VPS13B: variants seen among roughly 807,000 people sequenced by gnomAD.
VPS13B encodes the protein vacuolar protein sorting 13 homolog B, also known as intermembrane lipid transfer protein VPS13B.
Under a neutral mutation model 426.4 loss-of-function variants are expected in VPS13B, and 285 were observed. That is an observed-to-expected ratio of 0.67 (90% CI 0.61 to 0.74). The LOEUF is 0.74. Among genes scored for constraint, VPS13B ranks in the 30% least tolerant of loss-of-function variants. The pLI, the probability that VPS13B is intolerant of heterozygous loss-of-function variation, is 0.00. For synonymous variants in VPS13B, 1,676 were observed against 1,676.4 expected, an observed-to-expected ratio of 1.00 and a Z score of 0.01; for missense variants, 4,537 against 4,782.6, an observed-to-expected ratio of 0.95 and a Z score of 1.51.
chr8:99,162,859 T>G (rs1370471199), intron 15 of VPS13B, among the ~76,000 whole-genome samples: 1 of 152,174 alleles, frequency 6.6e-6, no homozygotes, highest in Non-Finnish European at 1.5e-5. Flanking sequence ...CTGCTTTTAT[T>G]CTTTTATCTG....
intron 17 of VPS13B, among the ~76,000 whole-genome samples, chr8:99,246,651 A>ACAT (rs1300741613): frequency 6.6e-6 from 1 of 152,064 alleles, no homozygotes; most frequent in Non-Finnish European, 1.5e-5. Flanking sequence ...GTGGATTATG[A>ACAT]GGTCAGGAGT....
At chr8:99,625,538 A>C (rs558398484) in intron 33 of VPS13B, among the ~76,000 whole-genome samples, 1 of 151,994 alleles carries the variant, frequency 6.6e-6, no homozygotes, top group East Asian at 1.9e-4. Context: ...CATAGTGAGA[A>C]CCTGTTTCCT....
chr8:99,663,217 C>T (rs577277090), intron 35 of VPS13B, among the ~76,000 whole-genome samples: 2 of 152,308 alleles, frequency 1.3e-5, no homozygotes, highest in South Asian at 2.1e-4. Context: ...ATCCATACTA[C>T]AGATGGAGAA....
chr8:99,156,421 G>A, intron 14 of VPS13B, 128 bp from the exon 15 acceptor site: 1 of 812,014 alleles, frequency 1.2e-6, no homozygotes. Context: ...GAGTTCTGTA[G>A]AAAGGCATCA....
intron 17 of VPS13B, among the ~76,000 whole-genome samples, chr8:99,268,986 A>G (rs1818442974): frequency 6.6e-6 from 1 of 152,032 alleles, no homozygotes; most frequent in African/African-American, 2.4e-5. Context: ...ATGGTGTTAT[A>G]AGGGGCTTTT....
chr8:99,384,421 A>T (rs1370994324), intron 20 of VPS13B, 104 bp downstream of exon 20: 1 of 976,758 alleles, frequency 1.0e-6, no homozygotes, highest in Non-Finnish European at 1.6e-6. Flanking sequence ...CAAATGTACT[A>T]GATTTCCTTT....
At position 99,241,692 on chromosome 8, in the gene VPS13B, C is replaced by A. The variant is rs1248915002; in HGVS notation, c.2516-32506C>A. ...TGGAAAAGCCAGTTATTCAAAAGAA[C>A]CTTTGAAAGAAGCAATTTTTTTTGT... On this transcript the variant is annotated intron_variant, in intron 17 of 61. Coordinates refer to ENST00000357162, the MANE Select transcript of VPS13B (RefSeq NM_152564.5). Among the ~76,000 whole-genome samples, 3 of 152,068 alleles carry A rather than the reference C, an allele frequency of 2.0e-5. No individual in the cohort carries two copies. In the East Asian group the frequency reaches 5.8e-4, roughly 29 times the overall value.
intron 33 of VPS13B, among the ~76,000 whole-genome samples, chr8:99,638,306 AT>A (rs1023450016): frequency 4.6e-5 from 7 of 152,020 alleles, no homozygotes; most frequent in Non-Finnish European, 5.9e-5. Context: ...ATAAAACTCA[AT>A]TTTCTCAGCT....
chr8:99,407,442 A>T (rs1003431108), intron 21 of VPS13B, among the ~76,000 whole-genome samples: 2 of 152,102 alleles, frequency 1.3e-5, no homozygotes, highest in African/African-American at 4.8e-5. Context: ...ACATTATGAT[A>T]CAATTTTTTG....
At chr8:99,652,385 G>T (rs1288780399) in intron 34 of VPS13B, among the ~76,000 whole-genome samples, 2 of 152,034 alleles carry the variant, frequency 1.3e-5, no homozygotes, top group African/African-American at 4.8e-5. Context: ...TAAGTGTATG[G>T]CACAAGGCTC....
chr8:99,551,337 G>A (rs1325763937), intron 30 of VPS13B, among the ~76,000 whole-genome samples: 1 of 151,906 alleles, frequency 6.6e-6, no homozygotes, highest in African/African-American at 2.4e-5. Context: ...TGTTTGCTTA[G>A]TATATATTTT....
intron 57 of VPS13B, among the ~76,000 whole-genome samples, chr8:99,861,096 G>A (rs1251233263): frequency 3.9e-5 from 6 of 152,132 alleles, no homozygotes; most frequent in South Asian, 2.1e-4. Flanking sequence ...TAAAATCACA[G>A]CAGGCAGATT....
chr8:99,577,644 C>A lies in VPS13B; in HGVS notation c.5220+11C>A. 6.2e-7 allele frequency: 1 copy of A among 1,613,082 alleles called. No individual in the cohort carries two copies. The highest frequency in any genetic ancestry group is 8.5e-7 in the Non-Finnish European group (1 of 1,179,642). Reference sequence around the variant, plus strand: ...AACAAGGCTGCAGAGGTAACTGTTACCTGATTTTGATCAGGCTTACTGCAT... The same window carrying A: ...AACAAGGCTGCAGAGGTAACTGTTAACTGATTTTGATCAGGCTTACTGCAT... On this transcript the variant is annotated intron_variant, in intron 33 of 61. Transcript: ENST00000357162.
intron 7 of VPS13B, among the ~76,000 whole-genome samples, chr8:99,118,862 G>A (rs2132508304): frequency 6.6e-6 from 1 of 152,160 alleles, no homozygotes; most frequent in East Asian, 1.9e-4. Context: ...AGATATTTTT[G>A]TACAAATTTC....
chr8:99,870,754 T>C (rs748852911), intron 59 of VPS13B, 31 bp from the exon 60 acceptor site: 15 of 1,598,262 alleles, frequency 9.4e-6, no homozygotes, highest in Non-Finnish European at 1.3e-5. Context: ...AGAAAACAAG[T>C]AGTAAAACTC....
rs541332942 is a variant in VPS13B, at chr8:99,121,316, T to C, written c.1077T>C (p.Tyr359=). The C allele has an allele frequency of 7.4e-6, 12 of 1,614,160 alleles. No individual in the cohort carries two copies. The East Asian group carries it at 2.5e-4, about 33-fold the overall frequency. The change falls in exon 8 of 62, where the codon TAT becomes TAC. Residue 359 remains tyrosine (Y), a synonymous_variant. Transcript: ENST00000357162. ...AWSFVPAIVS[Y]DDGEEDFVGN... ...CCTTTGTGCCTGCAATTGTGAGTTA[T>C]GACGATGGCGAGGAAGACTTTGTTG...
chr8:99,495,740 T>G (rs1820847705), intron 25 of VPS13B, among the ~76,000 whole-genome samples: 1 of 152,234 alleles, frequency 6.6e-6, no homozygotes, highest in East Asian at 1.9e-4. Context: ...TTAAAAATTT[T>G]CTGGGGTAAC....
intron 27 of VPS13B, among the ~76,000 whole-genome samples, chr8:99,506,075 G>A (rs927296813): frequency 6.6e-6 from 1 of 152,046 alleles, no homozygotes; most frequent in Non-Finnish European, 1.5e-5. Flanking sequence ...TGATGGCTCT[G>A]ATTTTTGCTG....
intron 19 of VPS13B, among the ~76,000 whole-genome samples, chr8:99,312,885 G>C (rs199782901): frequency 6.6e-6 from 1 of 151,964 alleles, no homozygotes; most frequent in Non-Finnish European, 1.5e-5. Context: ...TCTTTTTTCT[G>C]TAAACTTCTC....
Sources: allele counts gnomAD v4.1 joint callset (sites outside exome capture counted in the v4.1 genomes callset), GRCh38; gene constraint gnomAD v4.1.1; transcripts MANE v1.5; gene names NCBI Gene and HGNC (gene_info 2026-07-23, HGNC 2026-07-21).